Variants in ARL15 observed in about 807,000 individuals in gnomAD.
ARL15 encodes the protein ARF like GTPase 15.
Under a neutral mutation model 25.2 loss-of-function variants are expected in ARL15, and 19 were observed. The observed-to-expected ratio is 0.75, with a 90% confidence interval of 0.53 to 1.10. The LOEUF (loss-of-function observed/expected upper bound fraction) is 1.10, where lower values mean the gene tolerates loss of function less well. Among genes scored for constraint, ARL15 ranks in the 50% least tolerant of loss-of-function variants. ARL15 has a pLI of 0.00. For missense variants in ARL15, 220 were observed against 246.0 expected (o/e 0.89, Z 0.71); for synonymous variants, 94 against 86.8 (o/e 1.08, Z -0.46).
At chr5:53,922,314 C>A (rs921376931) in intron 4 of ARL15, among the ~76,000 whole-genome samples, 4 of 152,200 alleles carry the variant, frequency 2.6e-5, no homozygotes, top group African/African-American at 9.7e-5. Context: ...CAGGCCTGGT[C>A]TCTGCCCTAG....
chr5:54,238,108 C>T (rs2112569393), intron 1 of ARL15, among the ~76,000 whole-genome samples: 1 of 152,236 alleles, frequency 6.6e-6, no homozygotes, highest in East Asian at 1.9e-4. Flanking sequence ...ATCACTAACT[C>T]CCCAACATCC....
intron 3 of ARL15, among the ~76,000 whole-genome samples, chr5:54,116,352 C>T (rs1288656097): frequency 1.3e-5 from 2 of 152,144 alleles, no homozygotes; most frequent in African/African-American, 4.8e-5. Context: ...GCATCTGCTA[C>T]AGGCTACATC....
At chr5:54,069,732 C>CT (rs1345779950) in intron 4 of ARL15, among the ~76,000 whole-genome samples, 3 of 151,750 alleles carry the variant, frequency 2.0e-5, no homozygotes, top group Non-Finnish European at 2.9e-5. Flanking sequence ...ACTGCAACCT[C>CT]TGCCTCCTGG....
chr5:53,968,630 C>T (rs559901614), intron 4 of ARL15, among the ~76,000 whole-genome samples: 4 of 152,150 alleles, frequency 2.6e-5, no homozygotes, highest in African/African-American at 9.6e-5. Context: ...CTGCAGTCTT[C>T]GGACGGGCTT....
intron 4 of ARL15, among the ~76,000 whole-genome samples, chr5:54,102,957 G>A (rs1015269106): frequency 9.2e-5 from 14 of 152,088 alleles, no homozygotes; most frequent in African/African-American, 3.1e-4. Flanking sequence ...AACAATCCCA[G>A]TTATTTTATG....
chr5:54,207,123 C>T (rs930070488), intron 1 of ARL15, among the ~76,000 whole-genome samples: 2 of 152,170 alleles, frequency 1.3e-5, no homozygotes, highest in Non-Finnish European at 2.9e-5. Context: ...TCTTCTACAC[C>T]ACATGATGAC....
intron 1 of ARL15, among the ~76,000 whole-genome samples, chr5:54,210,289 C>T (rs993776331): frequency 3.3e-5 from 5 of 152,130 alleles, no homozygotes; most frequent in African/African-American, 7.2e-5. Context: ...TTTTCTTTTT[C>T]ATGAACTATA....
intron 2 of ARL15, among the ~76,000 whole-genome samples, chr5:54,166,997 A>G (rs1476296848): frequency 2.0e-5 from 3 of 152,092 alleles, no homozygotes; most frequent in Non-Finnish European, 4.4e-5. Context: ...GGGACTTGCT[A>G]ATATTATCTG....
intron 4 of ARL15, among the ~76,000 whole-genome samples, chr5:54,058,752 G>C (rs541245081): frequency 1.3e-5 from 2 of 152,264 alleles, no homozygotes; most frequent in South Asian, 4.1e-4. Flanking sequence ...AGATCAGATA[G>C]AGCTTTTGCT....
chr5:53,978,622 C>CAA (rs147288475), intron 4 of ARL15, among the ~76,000 whole-genome samples: 11 of 74,558 alleles, frequency 1.5e-4, no homozygotes, highest in East Asian at 8.0e-4. Context: ...CCTGTCTCTA[C>CAA]AAAAAAAAAA....
intron 3 of ARL15, among the ~76,000 whole-genome samples, chr5:54,127,638 T>A (rs1189781875): frequency 6.6e-6 from 1 of 151,944 alleles, no homozygotes; most frequent in Non-Finnish European, 1.5e-5. Context: ...AAGCTACCAA[T>A]GACTTTCTTC....
At chr5:53,949,617 A>C (rs1336680135) in intron 4 of ARL15, among the ~76,000 whole-genome samples, 1 of 152,164 alleles carries the variant, frequency 6.6e-6, no homozygotes, top group African/African-American at 2.4e-5. Flanking sequence ...TGTCTTCTTA[A>C]ACACTGGTTT....
intron 4 of ARL15, among the ~76,000 whole-genome samples, chr5:53,978,628 AAAAAAAAAGAAAAG>A (rs1748020907): frequency 6.7e-6 from 1 of 149,974 alleles, no homozygotes; most frequent in Admixed American, 6.7e-5. Context: ...TCTACAAAAA[AAAAAAAAAGAAAAG>A]AAAAGAAAGA....
chr5:54,009,588 C>A (rs543187037), intron 4 of ARL15, among the ~76,000 whole-genome samples: 1 of 152,170 alleles, frequency 6.6e-6, no homozygotes. Flanking sequence ...CTATGGACTG[C>A]GAATATTGTG....
intron 3 of ARL15, among the ~76,000 whole-genome samples, chr5:54,116,242 G>A (rs138195433): frequency 6.8e-4 from 103 of 152,266 alleles, no homozygotes; most frequent in African/African-American, 2.3e-3. Flanking sequence ...GCAGGCCTCT[G>A]GAGAAGAGTA....
chr5:54,124,748 T>C (rs995467389), intron 3 of ARL15, among the ~76,000 whole-genome samples: 1 of 152,222 alleles, frequency 6.6e-6, no homozygotes, highest in Non-Finnish European at 1.5e-5. Context: ...AATGGCATCA[T>C]AGGTGCTCAA....
intron 4 of ARL15, among the ~76,000 whole-genome samples, chr5:53,962,886 G>T (rs1747418981): frequency 1.3e-5 from 2 of 151,688 alleles, no homozygotes; most frequent in African/African-American, 2.4e-5. Context: ...TTTAAGTGAG[G>T]GCTGTAAAAC....
chr5:53,901,278 G>C (rs892826412), intron 4 of ARL15, among the ~76,000 whole-genome samples: 1 of 151,946 alleles, frequency 6.6e-6, no homozygotes, highest in Non-Finnish European at 1.5e-5. Flanking sequence ...CTGTATTTGG[G>C]GTAATATTCA....
At chr5:54,065,888 A>T (rs1360898313) in intron 4 of ARL15, among the ~76,000 whole-genome samples, 4 of 152,212 alleles carry the variant, frequency 2.6e-5, no homozygotes, top group Non-Finnish European at 5.9e-5. Flanking sequence ...TATTCTATTT[A>T]TTTTAACACA....
Sources: gnomAD v4.1 joint callset for allele counts (sites outside exome capture counted in the v4.1 genomes callset) on GRCh38, gnomAD v4.1.1 for gene constraint, MANE v1.5 for transcripts, NCBI Gene and HGNC (gene_info 2026-07-23, HGNC 2026-07-21) for gene names.